The following DNAJC19 variants were observed in gnomAD, a reference collection of about 807,000 sequenced individuals.
DNAJC19 encodes the protein mitochondrial import inner membrane translocase subunit TIM14.
Under a neutral mutation model 19.8 loss-of-function variants are expected in DNAJC19, and 15 were observed. The ratio of observed to expected loss-of-function variants is 0.76; its 90% confidence interval spans 0.51 to 1.17. The LOEUF is 1.17. DNAJC19 is among the 50% of genes most tolerant of loss of function. The pLI is 0.00. For synonymous variants in DNAJC19, 38 were observed against 42.1 expected (o/e 0.90, Z 0.38); for missense variants, 105 against 140.9 (o/e 0.75, Z 1.29).
In DNAJC19 at chr3:180,989,690, A is replaced by C; in HGVS notation, c.-88T>G. 2 of 1,549,252 alleles carry C rather than the reference A, an allele frequency of 1.3e-6. No homozygotes were observed. The highest frequency in any genetic ancestry group is 1.7e-6 in the Non-Finnish European group (2 of 1,147,262). On this transcript the variant is annotated 5_prime_UTR_variant, in exon 1 of 6. Coordinates refer to ENST00000382564, the MANE Select transcript of DNAJC19 (RefSeq NM_145261.4). ...GCCAACACCTGCACGCCTTTACCAG[A>C]GAGCGACGCAACCCCCAACCTCAAG...
intron 1 of DNAJC19, among the ~76,000 whole-genome samples, chr3:180,988,599 G>A (rs1016367768): frequency 6.6e-6 from 1 of 151,990 alleles, no homozygotes; most frequent in Non-Finnish European, 1.5e-5. Flanking sequence ...GGGAAAGAGG[G>A]CAAGTTCGAC....
rs372375155 is a variant in DNAJC19 at position 180,984,612 on chromosome 3, C to G, written c.*28G>C. ...TAGTACTCATATACATAAACTAATA[C>G]GAACTTAAAATTCATCATACATTTA... On this transcript the variant is annotated 3_prime_UTR_variant, in exon 6 of 6. Transcript: ENST00000382564. The G allele has an allele frequency of 7.3e-5, 111 of 1,520,374 alleles. No homozygotes were observed. The highest frequency in any genetic ancestry group is 9.9e-5 in the Non-Finnish European group (109 of 1,104,634). 94.2% of individuals were successfully genotyped at this position (1,520,374 alleles called of 1,614,324 possible).
chr3:180,988,348 T>C (rs972311262), intron 1 of DNAJC19, 119 bp from the exon 2 acceptor site: 17 of 1,120,840 alleles, frequency 1.5e-5, no homozygotes, highest in African/African-American at 3.3e-5. Flanking sequence ...ACAACTTTTT[T>C]TTTTCTTTTT....
rs1714758897 is a variant in DNAJC19, at chr3:180,984,026, C to A, written c.*614G>T. The A allele has an allele frequency of 2.2e-6, 1 of 453,834 alleles. No individual in the cohort carries two copies. 28.1% of individuals were successfully genotyped at this position (453,834 alleles called of 1,614,324 possible). ...TGCAATGAACTGTGATTGTACCAGA[C>A]CTGTACTCTGAAATCTTTATCATAC... On this transcript the variant is annotated 3_prime_UTR_variant, in exon 6 of 6. Transcript: ENST00000382564.
At chr3:180,988,961 T>C (rs966820560) in intron 1 of DNAJC19, among the ~76,000 whole-genome samples, 2 of 151,028 alleles carry the variant, frequency 1.3e-5, no homozygotes, top group African/African-American at 4.9e-5. Context: ...TGAGCCAAGA[T>C]TGTGCCACTG....
At chr3:180,989,815 G>C, upstream of DNAJC19, 1 of 805,586 alleles carries the variant, frequency 1.2e-6, no homozygotes, top group Non-Finnish European at 2.1e-6. Context: ...CTCAAGCAGT[G>C]GACAGAGCGG....
At chr3:180,986,533 T>G (rs1714919113) in intron 4 of DNAJC19, 1 of 206,264 alleles carries the variant, frequency 4.8e-6, no homozygotes. Context: ...CCACTGGCCT[T>G]GGCCTCCCAA....
Position 180,985,736 on chromosome 3 carries a change from G to C in DNAJC19, c.280+190C>G, listed in dbSNP as rs1409526723. On this transcript the variant is annotated intron_variant, in intron 5 of 5. Transcript: ENST00000382564. Reference sequence around the variant, plus strand: ...CATAGTAATAGTAGCACTTACATCTGCTCATTCTGTAAGTAAAGTTTTCAC... The same window carrying C: ...CATAGTAATAGTAGCACTTACATCTCCTCATTCTGTAAGTAAAGTTTTCAC... 3 of 597,172 alleles carry C rather than the reference G, an allele frequency of 5.0e-6. No individual in the cohort carries two copies. In the African/African-American group the frequency reaches 5.6e-5, roughly 11 times the overall value. The allele number at this position is 597,172 out of a possible 1,614,324, so 37.0% of individuals were successfully genotyped here. A position where few individuals can be genotyped will look rare whatever the true frequency, so the allele number is the denominator to read the frequency against.
intron 1 of DNAJC19, among the ~76,000 whole-genome samples, chr3:180,989,143 C>G (rs1305206275): frequency 2.0e-5 from 3 of 152,166 alleles, no homozygotes; most frequent in African/African-American, 7.2e-5. Flanking sequence ...ATACCTTTGG[C>G]ACTGCCCTGT....
In DNAJC19 at chr3:180,988,083, C is replaced by CAAAA; in HGVS notation, c.65_68dup (p.Leu23PhefsTer30). The CAAAA allele has an allele frequency of 6.2e-7, 1 of 1,614,120 alleles. No homozygotes were observed. Among genetic ancestry groups the CAAAA allele is most frequent in the Non-Finnish European group, 8.5e-7 (1 of 1,180,018 alleles). ...GAGGCTCCATATGCTTCATGGCTTG[C>CAAAA]AAAACGTAACGGCCTAAAACCAAAA... On this transcript the variant is annotated frameshift_variant, in exon 3 of 6. Transcript: ENST00000382564. LOFTEE classifies it high-confidence loss of function.
intron 5 of DNAJC19, 23 bp downstream of exon 5, chr3:180,985,903 A>G (rs373054567): frequency 2.1e-5 from 34 of 1,600,604 alleles, no homozygotes; most frequent in Non-Finnish European, 2.8e-5. Context: ...AACAACATCA[A>G]CGAGAATTTA....
chr3:180,984,944 AAC>A (rs1342137842), intron 5 of DNAJC19, among the ~76,000 whole-genome samples: 15 of 152,206 alleles, frequency 9.9e-5, no homozygotes, highest in African/African-American at 3.4e-4. Context: ...CTACAAAAAT[AAC>A]ACCTTTTTAG....
Position 180,988,226 on chromosome 3 carries a change from T to C in DNAJC19, c.7A>G (p.Ser3Gly). The C allele has an allele frequency of 6.2e-7, 1 of 1,614,188 alleles. No homozygotes were observed. Among genetic ancestry groups the C allele is most frequent in the Non-Finnish European group, 8.5e-7 (1 of 1,180,024 alleles). ...GTCAGTCCAACTGCTACCACTGTAC[T>C]GGCCTGGTAAGGGGGAGAAGAGTAA... is the stretch of plus-strand genomic sequence containing the variant. MA[S>G]TVVAVGLTIA... The change falls in exon 2 of 6, where the codon AGT becomes GGT. Residue 3 changes from serine to glycine, a missense_variant. Ser to Gly is a moderately conservative substitution (Grantham distance 56). Coordinates refer to ENST00000382564, the MANE Select transcript of DNAJC19 (RefSeq NM_145261.4).
chr3:180,989,675 G>T lies in DNAJC19; in HGVS notation c.-73C>A. 1 of 1,558,756 alleles carries T rather than the reference G, an allele frequency of 6.4e-7. No homozygotes were observed. Among genetic ancestry groups the T allele is most frequent in the South Asian group, 1.2e-5 (1 of 84,680 alleles). ...AGCTCAGAGGCCGCGGCCAACACCT[G>T]CACGCCTTTACCAGAGAGCGACGCA... On this transcript the variant is annotated 5_prime_UTR_variant, in exon 1 of 6. Coordinates refer to ENST00000382564, the MANE Select transcript of DNAJC19 (RefSeq NM_145261.4).
intron 1 of DNAJC19, 178 bp downstream of exon 1, chr3:180,989,422 C>T (rs1311966276): frequency 2.7e-6 from 4 of 1,457,358 alleles, no homozygotes; most frequent in African/African-American, 2.8e-5. Context: ...AAAACACAAA[C>T]CCCCAAGAGA....
rs1206803404 is a variant in DNAJC19 at position 180,986,006 on chromosome 3, AAAAG to A, written c.210-14_210-11del. On this transcript the variant is annotated splice_polypyrimidine_tract_variant and intron_variant, in intron 4 of 5. Transcript: ENST00000382564. ...TTTATTGGCAGTAGGGCTAATTAAAAAAAGAAATGGTATTTACTTCATCCTACTT... is the reference window on the plus strand; with the variant it reads ...TTTATTGGCAGTAGGGCTAATTAAAAAAATGGTATTTACTTCATCCTACTT... 8.7e-6 allele frequency: 14 copies of A among 1,609,044 alleles called. No individual in the cohort carries two copies. Among genetic ancestry groups the A allele is most frequent in the Middle Eastern group, 1.7e-4 (1 of 6,038 alleles).
chr3:180,987,486 T>C, intron 3 of DNAJC19: 1 of 246,440 alleles, frequency 4.1e-6, no homozygotes, highest in Non-Finnish European at 7.9e-6. Context: ...ATCATATTGG[T>C]AAAGCCTACA....
At chr3:180,986,706 A>T (rs2108508631) in intron 4 of DNAJC19, 1 of 517,318 alleles carries the variant, frequency 1.9e-6, no homozygotes, top group South Asian at 2.6e-5. Flanking sequence ...TAAACACTCT[A>T]GGAAAAAAGA....
At chr3:180,989,258 A>G in intron 1 of DNAJC19, 1 of 1,234,768 alleles carries the variant, frequency 8.1e-7, no homozygotes, top group Non-Finnish European at 1.0e-6. Context: ...TAGTGCTGTG[A>G]AGATGTGTTA....
Sources: allele counts gnomAD v4.1 joint callset (sites outside exome capture counted in the v4.1 genomes callset), GRCh38; gene constraint gnomAD v4.1.1; transcripts MANE v1.5; gene names NCBI Gene and HGNC (gene_info 2026-07-23, HGNC 2026-07-21).